TNKS: variants seen among roughly 807,000 people sequenced by gnomAD.
TNKS encodes tankyrase, also known as poly [ADP-ribose] polymerase tankyrase-1.
In TNKS, 72 loss-of-function variants were observed where a neutral mutation model predicts 135.8. The ratio of observed to expected loss-of-function variants is 0.53; its 90% CI spans 0.44 to 0.64. TNKS has a LOEUF of 0.64. TNKS is among the 30% of genes least tolerant of loss of function. The pLI is 0.00. For synonymous variants in TNKS, 849 were observed against 649.3 expected, an observed-to-expected ratio of 1.31 and a Z score of -4.68; for missense variants, 1,769 against 1,674.0, an observed-to-expected ratio of 1.06 and a Z score of -0.99.
Position 9,613,244 on chromosome 8 carries a change from A to T in TNKS, c.899-2338A>T, listed in dbSNP as rs149060868. 1.8e-4 allele frequency among the ~76,000 whole-genome samples: 28 copies of T among 152,322 alleles called. No individual in the cohort carries two copies. The East Asian group carries it at 3.5e-3, about 19-fold the overall frequency. On this transcript the variant is annotated intron_variant, in intron 2 of 26. Transcript: ENST00000310430. ...GCTGACCCCTGCCCTAGAGCAAAGC[A>T]TGGAATTAGTCGTCACTGGTAGAGT...
rs138067218 is a variant in TNKS, at chr8:9,735,553, C to T, written c.2643+67C>T. On this transcript the variant is annotated intron_variant, in intron 17 of 26. Coordinates refer to ENST00000310430, the MANE Select transcript of TNKS (RefSeq NM_003747.3). ...CGGTGGCTCACGCCTGTAATCCCAGCACTTTAGGAGGCCGAGGAAGGTAGA... is the reference window on the plus strand; with the variant it reads ...CGGTGGCTCACGCCTGTAATCCCAGTACTTTAGGAGGCCGAGGAAGGTAGA... 6.2e-4 allele frequency: 797 copies of T among 1,290,948 alleles called. 3 individuals are homozygous for T. The African/African-American group carries it at 0.01, about 17-fold the overall frequency. The allele number at this position is 1,290,948 out of a possible 1,614,324, so 80.0% of individuals were successfully genotyped here. A position where few individuals can be genotyped will look rare whatever the true frequency, so the allele number is the denominator to read the frequency against.
intron 20 of TNKS, among the ~76,000 whole-genome samples, chr8:9,755,198 C>G (rs538015323): frequency 1.2e-4 from 19 of 152,126 alleles, no homozygotes; most frequent in Non-Finnish European, 2.4e-4. Context: ...CAGTAACTGA[C>G]TTCCTGTGGC....
chr8:9,677,141 G>A (rs558296362), intron 3 of TNKS, among the ~76,000 whole-genome samples: 4 of 152,292 alleles, frequency 2.6e-5, no homozygotes, highest in African/African-American at 7.2e-5. Flanking sequence ...CGCTTCAGCT[G>A]TTTATGGATT....
At chr8:9,725,139 A>G (rs1805098461) in intron 12 of TNKS, among the ~76,000 whole-genome samples, 1 of 152,180 alleles carries the variant, frequency 6.6e-6, no homozygotes, top group Non-Finnish European at 1.5e-5. Flanking sequence ...CACACTTATA[A>G]TGGAGACTAA....
chr8:9,712,571 A>T (rs773212998), intron 11 of TNKS, among the ~76,000 whole-genome samples: 24 of 152,132 alleles, frequency 1.6e-4, no homozygotes, highest in African/African-American at 5.8e-4. Context: ...ACTACAGTCA[A>T]TGGATATTTT....
chr8:9,600,491 T>G (rs1563107317), intron 2 of TNKS, among the ~76,000 whole-genome samples: 1 of 152,030 alleles, frequency 6.6e-6, no homozygotes, highest in Non-Finnish European at 1.5e-5. Flanking sequence ...TTTTTGTATT[T>G]TTTGTAGAGA....
chr8:9,684,077 C>G (rs1349272028), intron 5 of TNKS, among the ~76,000 whole-genome samples: 5 of 151,756 alleles, frequency 3.3e-5, no homozygotes, highest in African/African-American at 9.7e-5. Context: ...AACATAGGGA[C>G]ATAGATGTTA....
chr8:9,665,809 G>C (rs145529393), intron 3 of TNKS, among the ~76,000 whole-genome samples: 25 of 152,156 alleles, frequency 1.6e-4, no homozygotes, highest in African/African-American at 6.0e-4. Flanking sequence ...ACCTTTACAA[G>C]CCCTAGAGTA....
At chr8:9,687,528 T>C (rs1044340491) in intron 5 of TNKS, among the ~76,000 whole-genome samples, 3 of 152,236 alleles carry the variant, frequency 2.0e-5, no homozygotes, top group Admixed American at 1.3e-4. Context: ...AAACAATCTC[T>C]ATTTTGTCAA....
At chr8:9,607,821 A>G (rs1799289217) in intron 2 of TNKS, among the ~76,000 whole-genome samples, 1 of 152,212 alleles carries the variant, frequency 6.6e-6, no homozygotes, top group African/African-American at 2.4e-5. Flanking sequence ...AAAATGCAGT[A>G]ATTTTACTGC....
At chr8:9,608,396 G>A (rs1026128104) in intron 2 of TNKS, among the ~76,000 whole-genome samples, 3 of 151,972 alleles carry the variant, frequency 2.0e-5, no homozygotes, top group Non-Finnish European at 4.4e-5. Context: ...CATAACTAAC[G>A]TTGATGCTAA....
intron 2 of TNKS, among the ~76,000 whole-genome samples, chr8:9,614,496 A>G (rs146365449): frequency 6.6e-6 from 1 of 152,344 alleles, no homozygotes; most frequent in East Asian, 1.9e-4. Context: ...CATTGATTTT[A>G]TGGCTAATAC....
At chr8:9,711,176 C>T (rs750544707) in intron 11 of TNKS, among the ~76,000 whole-genome samples, 4 of 151,944 alleles carry the variant, frequency 2.6e-5, no homozygotes, top group Non-Finnish European at 5.9e-5. Context: ...TTGGAAAAAT[C>T]CTAGCATTTC....
intron 17 of TNKS, among the ~76,000 whole-genome samples, chr8:9,735,725 G>A (rs978406801): frequency 9.9e-5 from 15 of 151,934 alleles, no homozygotes; most frequent in African/African-American, 2.9e-4. Context: ...GCATGAACCC[G>A]GGAGGCGGAG....
intron 12 of TNKS, chr8:9,722,503 A>C (rs1178915010): frequency 6.6e-6 from 1 of 151,738 alleles, no homozygotes; most frequent in Non-Finnish European, 1.5e-5. Flanking sequence ...CAACATGAGT[A>C]AGATCCAGCT....
chr8:9,723,157 T>TTC (rs1804982512), intron 12 of TNKS, among the ~76,000 whole-genome samples: 1 of 151,364 alleles, frequency 6.6e-6, no homozygotes, highest in Admixed American at 6.6e-5. Context: ...CCAAAAGGTT[T>TTC]TTTTTTTTTG....
intron 3 of TNKS, among the ~76,000 whole-genome samples, chr8:9,655,535 G>A (rs929811363): frequency 6.6e-6 from 1 of 152,180 alleles, no homozygotes; most frequent in African/African-American, 2.4e-5. Context: ...GTACTCCTCT[G>A]AGACAAAACC....
At chr8:9,576,462 C>A (rs999019992) in intron 1 of TNKS, among the ~76,000 whole-genome samples, 2 of 151,316 alleles carry the variant, frequency 1.3e-5, no homozygotes, top group African/African-American at 2.4e-5. Context: ...GCCACCACCC[C>A]CCTCTTTTTT....
At chr8:9,750,720 C>A (rs921717738) in intron 18 of TNKS, among the ~76,000 whole-genome samples, 8 of 152,222 alleles carry the variant, frequency 5.3e-5, no homozygotes, top group African/African-American at 1.7e-4. Context: ...ACTAAGCCAC[C>A]CCCAAACCCA....
Sources: gnomAD v4.1 joint callset for allele counts (sites outside exome capture counted in the v4.1 genomes callset) on GRCh38, gnomAD v4.1.1 for gene constraint, MANE v1.5 for transcripts, NCBI Gene and HGNC (gene_info 2026-07-23, HGNC 2026-07-21) for gene names.